The following EPC2 variants were observed in gnomAD, a reference collection of about 807,000 sequenced individuals.
EPC2 encodes enhancer of polycomb homolog 2.
Under a neutral mutation model 92.1 loss-of-function variants are expected in EPC2, and 14 were observed. The observed-to-expected ratio is 0.15, with a 90% CI of 0.10 to 0.24. The LOEUF is 0.24. Ranked by LOEUF, EPC2 falls within the 10% of genes least tolerant of loss-of-function variation. EPC2 has a pLI of 1.00. For missense variants in EPC2, 755 were observed against 971.5 expected (o/e 0.78, Z 2.96); for synonymous variants, 340 against 334.7 (o/e 1.02, Z -0.17).
intron 1 of EPC2, among the ~76,000 whole-genome samples, chr2:148,659,187 C>G (rs1470267806): frequency 6.6e-6 from 1 of 152,002 alleles, no homozygotes; most frequent in Non-Finnish European, 1.5e-5. Context: ...TAACTGAGGT[C>G]TTTGGTGCCT....
chr2:148,728,454 G>A (rs901435458), intron 2 of EPC2, among the ~76,000 whole-genome samples: 1 of 151,480 alleles, frequency 6.6e-6, no homozygotes. Flanking sequence ...TAGAAAAAAC[G>A]AACTTAAGGC....
intron 2 of EPC2, among the ~76,000 whole-genome samples, chr2:148,708,814 T>C (rs1212637478): frequency 6.6e-6 from 1 of 152,138 alleles, no homozygotes; most frequent in South Asian, 2.1e-4. Context: ...CTAAAAACTC[T>C]CAATAAACTA....
intron 2 of EPC2, among the ~76,000 whole-genome samples, chr2:148,702,665 A>G (rs1681913585): frequency 1.3e-5 from 2 of 152,230 alleles, no homozygotes; most frequent in African/African-American, 4.8e-5. Context: ...GAAATTGGTA[A>G]CAAGAGGCAA....
intron 10 of EPC2, among the ~76,000 whole-genome samples, chr2:148,776,856 CTTTTTTTTTTTTTT>C (rs56073706): frequency 6.9e-5 from 7 of 101,042 alleles, no homozygotes; most frequent in African/African-American, 2.6e-4. Flanking sequence ...GTCTCTCTCT[CTTTTTTTTTTTTTT>C]TTTTTTTTGA....
At chr2:148,692,425 A>G (rs1463673189) in intron 2 of EPC2, 1 of 152,252 alleles carries the variant, frequency 6.6e-6, no homozygotes, top group Non-Finnish European at 1.5e-5. Flanking sequence ...TGGTTTATAG[A>G]TGCTCAATAA....
chr2:148,761,834 A>T lies in EPC2; in HGVS notation c.719A>T (p.Glu240Val). 6.3e-7 allele frequency: 1 copy of T among 1,589,848 alleles called. No homozygotes were observed. Among genetic ancestry groups the T allele is most frequent in the Non-Finnish European group, 8.5e-7 (1 of 1,170,264 alleles). ...GAAAAGATGTTGAAACTGAGACGAG[A>T]ATTTAGTAGAGCCATAACAATTTTG... ...SYEKMLKLRR[E>V]FSRAITILEM... Residue 240 changes from glutamate to valine, a missense_variant, in exon 5 of 14, where the codon GAA (glutamate) becomes GTA (valine). By Grantham distance (121) the Glu-to-Val change is moderately radical. This residue lies in a region of EPC2 where 509 missense variants were observed against 607.7 expected (regional missense o/e 0.84). Transcript: ENST00000258484.
intron 1 of EPC2, among the ~76,000 whole-genome samples, chr2:148,673,195 G>A (rs1195759706): frequency 1.3e-5 from 2 of 152,098 alleles, no homozygotes; most frequent in African/African-American, 4.8e-5. Context: ...TCTAGTTGGA[G>A]TCCTTTGAGC....
At chr2:148,681,418 C>G (rs1283001929) in intron 1 of EPC2, among the ~76,000 whole-genome samples, 4 of 152,100 alleles carry the variant, frequency 2.6e-5, no homozygotes, top group Non-Finnish European at 4.4e-5. Context: ...GTTGCTGTTT[C>G]AGAGTTTACA....
intron 2 of EPC2, chr2:148,691,865 TTG>T (rs1177051801): frequency 3.3e-6 from 2 of 608,380 alleles, no homozygotes; most frequent in Admixed American, 4.3e-5. Flanking sequence ...GCATAGCCCT[TTG>T]GTAATGTATC....
chr2:148,683,235 T>C (rs982958786), intron 1 of EPC2, among the ~76,000 whole-genome samples: 4 of 151,972 alleles, frequency 2.6e-5, no homozygotes, highest in African/African-American at 9.7e-5. Flanking sequence ...TAATCCCCTC[T>C]CATCCTTCCT....
chr2:148,651,128 A>C (rs1230615650), intron 1 of EPC2, among the ~76,000 whole-genome samples: 1 of 152,208 alleles, frequency 6.6e-6, no homozygotes, highest in Admixed American at 6.5e-5. Context: ...GGCTTCTTGG[A>C]GAGAGGCGTA....
intron 2 of EPC2, among the ~76,000 whole-genome samples, chr2:148,710,817 A>AG (rs1181368079): frequency 6.6e-6 from 1 of 152,042 alleles, no homozygotes; most frequent in East Asian, 1.9e-4. Context: ...GGACACAGGA[A>AG]GGGGAACATC....
At chr2:148,690,684 A>C (rs919716374) in intron 2 of EPC2, among the ~76,000 whole-genome samples, 1 of 151,164 alleles carries the variant, frequency 6.6e-6, no homozygotes, top group African/African-American at 2.4e-5. Context: ...TTTTTCTTTG[A>C]GACAGAGTCT....
At chr2:148,767,197 C>CA (rs11364622) in intron 7 of EPC2, among the ~76,000 whole-genome samples, 60 of 124,314 alleles carry the variant, frequency 4.8e-4, no homozygotes, top group East Asian at 1.7e-3. Flanking sequence ...GACCCTGTTT[C>CA]AAAAAAAAAA....
At chr2:148,763,807 GTCAA>G (rs1683350947) in intron 6 of EPC2, among the ~76,000 whole-genome samples, 1 of 152,164 alleles carries the variant, frequency 6.6e-6, no homozygotes, top group Admixed American at 6.5e-5. Flanking sequence ...TCCATTTTGT[GTCAA>G]TCAATGCTTT....
intron 2 of EPC2, among the ~76,000 whole-genome samples, chr2:148,735,923 GTCTC>G (rs1363302983): frequency 6.6e-6 from 1 of 151,888 alleles, no homozygotes; most frequent in Non-Finnish European, 1.5e-5. Context: ...TGGTTAATCA[GTCTC>G]TTAAGATTCT....
chr2:148,705,912 T>C (rs1681989388), intron 2 of EPC2, among the ~76,000 whole-genome samples: 1 of 152,136 alleles, frequency 6.6e-6, no homozygotes, highest in Non-Finnish European at 1.5e-5. Flanking sequence ...GCAGAAAAGC[T>C]GAAAATTCTA....
In EPC2 at chr2:148,709,418, C is replaced by T. The variant is rs190745910; in HGVS notation, c.313+19045C>T. On this transcript the variant is annotated intron_variant, in intron 2 of 13. Coordinates refer to ENST00000258484, the MANE Select transcript of EPC2 (RefSeq NM_015630.4). The stretch of plus-strand genomic sequence containing the variant: ...CAATATCGTAAAAATGGCCATACTG[C>T]CCAAGGTAATTTATAGATTAAATGC... Among the ~76,000 whole-genome samples, 784 of 152,280 alleles carry T rather than the reference C, an allele frequency of 5.1e-3. 3 individuals carry two copies. Among genetic ancestry groups the T allele is most frequent in the Middle Eastern group, 0.017 (5 of 294 alleles).
At chr2:148,705,497 G>A (rs535270343) in intron 2 of EPC2, among the ~76,000 whole-genome samples, 34 of 152,278 alleles carry the variant, frequency 2.2e-4, no homozygotes, top group Admixed American at 3.9e-4. Flanking sequence ...CACGGTGTTT[G>A]AGCTCTGAGA....
Sources: allele counts gnomAD v4.1 joint callset (sites outside exome capture counted in the v4.1 genomes callset), GRCh38; gene constraint gnomAD v4.1.1; regional missense constraint gnomAD v4.1.1; transcripts MANE v1.5; gene names NCBI Gene and HGNC (gene_info 2026-07-23, HGNC 2026-07-21).